Variants in LCK observed in about 807,000 individuals in gnomAD.
LCK encodes the protein tyrosine-protein kinase Lck.
In LCK, 14 loss-of-function variants were observed where a neutral mutation model predicts 64.6. The ratio of observed to expected loss-of-function variants is 0.22; its 90% confidence interval spans 0.14 to 0.34. LCK has a LOEUF of 0.34. Ranked by LOEUF, LCK falls within the 10% of genes least tolerant of loss-of-function variation. The pLI is 1.00. For synonymous variants in LCK, 277 were observed against 263.6 expected, an observed-to-expected ratio of 1.05 and a Z score of -0.49; for missense variants, 434 against 668.1, an observed-to-expected ratio of 0.65 and a Z score of 3.86.
chr1:32,260,121 C>T (rs1375898465), intron 1 of LCK, among the ~76,000 whole-genome samples: 1 of 151,806 alleles, frequency 6.6e-6, no homozygotes, highest in African/African-American at 2.4e-5. Flanking sequence ...AAGCAATTCT[C>T]CTGCCTCAGC....
intron 1 of LCK, among the ~76,000 whole-genome samples, chr1:32,270,994 G>A (rs188936629): frequency 2.1e-5 from 3 of 146,128 alleles, no homozygotes; most frequent in East Asian, 2.0e-4. Context: ...GAGCCACCGC[G>A]CCTGGCCTTT....
In LCK at chr1:32,251,934, G is replaced by C. The variant is rs866686278; in HGVS notation, c.-6+563G>C. Among the ~76,000 whole-genome samples the C allele has an allele frequency of 2.2e-4, 33 of 146,708 alleles. No homozygotes were observed. The highest frequency in any genetic ancestry group is 2.0e-3 in the Admixed American group (30 of 14,732). On this transcript the variant is annotated intron_variant, in intron 1 of 12. Transcript: ENST00000336890. This position sits in a 1 kb window ranked among gnomAD's most constrained non-coding sequence, Gnocchi z 4.0. ...AGAGAGAGAGAGAGAGAGAGAGAGA[G>C]AGACAGAGATCACCCAAGGCATCCA...
intron 3 of LCK, 83 bp downstream of exon 3, chr1:32,274,901 C>T: frequency 1.2e-6 from 2 of 1,613,894 alleles, no homozygotes; most frequent in Non-Finnish European, 1.7e-6. Context: ...CCTACTTTCT[C>T]CCCGGTCTTG....
chr1:32,265,609 C>T (rs1211983936), intron 1 of LCK, among the ~76,000 whole-genome samples: 1 of 152,196 alleles, frequency 6.6e-6, no homozygotes, highest in Admixed American at 6.6e-5. Flanking sequence ...CGGGGATTTT[C>T]TGGCCCAGAT....
intron 12 of LCK, among the ~76,000 whole-genome samples, chr1:32,281,777 T>C (rs1356035120): frequency 6.6e-6 from 1 of 152,088 alleles, no homozygotes; most frequent in East Asian, 1.9e-4. Context: ...TAAAGACACC[T>C]TGGAAGGCCG....
At chr1:32,263,297 C>G (rs1639827454) in intron 1 of LCK, among the ~76,000 whole-genome samples, 1 of 151,538 alleles carries the variant, frequency 6.6e-6, no homozygotes, top group Admixed American at 6.6e-5. Flanking sequence ...GAGGCTCAAA[C>G]AGGAGAAATT....
chr1:32,271,423 T>A (rs1640077015), intron 1 of LCK, among the ~76,000 whole-genome samples: 1 of 152,138 alleles, frequency 6.6e-6, no homozygotes, highest in South Asian at 2.1e-4. Flanking sequence ...ATGCCTGTAA[T>A]CCCAGCACTT....
At chr1:32,253,232 G>A (rs1639550431) in intron 1 of LCK, among the ~76,000 whole-genome samples, 1 of 152,136 alleles carries the variant, frequency 6.6e-6, no homozygotes, top group Admixed American at 6.6e-5. Context: ...GAGCGTGGTG[G>A]CAGGTGCCTG....
intron 1 of LCK, among the ~76,000 whole-genome samples, chr1:32,266,214 C>T (rs1029148133): frequency 5.3e-5 from 8 of 152,044 alleles, no homozygotes; most frequent in South Asian, 4.2e-4. Context: ...TCCTCCTGGC[C>T]GGGCACGGTG....
intron 1 of LCK, among the ~76,000 whole-genome samples, chr1:32,252,236 G>A (rs1430578203): frequency 2.6e-5 from 4 of 152,110 alleles, no homozygotes; most frequent in Admixed American, 6.5e-5. Flanking sequence ...CCTGCCAAGC[G>A]TCACAGCAGG....
At chr1:32,279,788 C>A (rs745833915) in intron 10 of LCK, 41 bp downstream of exon 10, 2 of 1,611,722 alleles carry the variant, frequency 1.2e-6, no homozygotes, top group Non-Finnish European at 1.7e-6. Context: ...GGGAACAGAC[C>A]AGTGACGTGA....
At chr1:32,285,106 C>G (rs942254412) in intron 12 of LCK, among the ~76,000 whole-genome samples, 5 of 151,994 alleles carry the variant, frequency 3.3e-5, no homozygotes, top group African/African-American at 1.2e-4. Flanking sequence ...AGTTCAAGAC[C>G]AGCCTGACCA....
At chr1:32,263,174 TTGA>T (rs1639824402) in intron 1 of LCK, among the ~76,000 whole-genome samples, 4 of 151,884 alleles carry the variant, frequency 2.6e-5, no homozygotes, top group African/African-American at 9.7e-5. Context: ...GGCAGGCCAC[TTGA>T]GGTTGGGAGT....
Position 32,275,053 on chromosome 1 carries a change from A to C in LCK, c.248A>C (p.Glu83Ala). 6.2e-7 allele frequency: 1 copy of C among 1,613,830 alleles called. No homozygotes were observed. The highest frequency in any genetic ancestry group is 1.1e-5 in the South Asian group (1 of 91,054). Residue 83 changes from glutamate (E) to alanine (A), a missense_variant, in exon 4 of 13, where the codon GAG (glutamate) becomes GCG (alanine). Around this residue, in one of 2 missense-constraint regions of LCK, gnomAD observed 233 missense variants for 291.2 expected, o/e 0.80. Transcript: ENST00000336890. The surrounding 1 kb of genome is among the most constrained non-coding windows in gnomAD (Gnocchi z 6.9). ...TCTCACGACGGAGATCTGGGCTTTG[A>C]GAAGGGGGAACAGCTCCGCATCCTG... is the stretch of plus-strand genomic sequence containing the variant. Reference protein sequence around the residue: ...EPSHDGDLGFEKGEQLRILEQ... With the variant: ...EPSHDGDLGFAKGEQLRILEQ...
chr1:32,259,094 T>C (rs1270725225), intron 1 of LCK, among the ~76,000 whole-genome samples: 1 of 151,652 alleles, frequency 6.6e-6, no homozygotes, highest in Non-Finnish European at 1.5e-5. Flanking sequence ...ATCCCTGATT[T>C]ACCCACTAGA....
Position 32,276,163 on chromosome 1 carries a change from C to T in LCK, c.631+100C>T. ...CATCTTTCAATGCCCTACTCCATTC[C>T]CCGCAGTGGGTGAGGTGTGGAACCT... On this transcript the variant is annotated intron_variant, in intron 7 of 12. Transcript: ENST00000336890. This position sits in a 1 kb window ranked among gnomAD's most constrained non-coding sequence, Gnocchi z 4.6. 1 of 1,495,598 alleles carries T rather than the reference C, an allele frequency of 6.7e-7. No individual in the cohort carries two copies. 92.6% of individuals were successfully genotyped at this position (1,495,598 alleles called of 1,614,324 possible). A position where few individuals can be genotyped will look rare whatever the true frequency, so the allele number is the denominator to read the frequency against.
At chr1:32,263,490 A>G (rs958302343) in intron 1 of LCK, among the ~76,000 whole-genome samples, 3 of 152,002 alleles carry the variant, frequency 2.0e-5, no homozygotes. Flanking sequence ...CCATCCCAAC[A>G]CTTTCGGAGT....
chr1:32,252,487 G>A (rs1049238223), intron 1 of LCK, among the ~76,000 whole-genome samples: 3 of 152,130 alleles, frequency 2.0e-5, no homozygotes, highest in Non-Finnish European at 4.4e-5. Context: ...CACACTTTCC[G>A]CCTAGTCAGC....
intron 1 of LCK, among the ~76,000 whole-genome samples, chr1:32,264,526 G>C (rs1639862490): frequency 6.6e-6 from 1 of 151,782 alleles, no homozygotes; most frequent in Non-Finnish European, 1.5e-5. Context: ...TATGAGTTTT[G>C]CATCTGCCAG....
Sources: gnomAD v4.1 joint callset for allele counts (sites outside exome capture counted in the v4.1 genomes callset) on GRCh38, gnomAD v4.1.1 for gene constraint, gnomAD v4.1.1 regional missense constraint, Gnocchi (gnomAD v3.1) non-coding constraint, MANE v1.5 for transcripts, NCBI Gene and HGNC (gene_info 2026-07-23, HGNC 2026-07-21) for gene names.